The following EML1 variants were observed in gnomAD, a reference collection of about 807,000 sequenced individuals.
The protein encoded by EML1 is echinoderm microtubule-associated protein-like 1.
A neutral mutation model predicts 110.4 loss-of-function variants in EML1; 27 were observed. The observed-to-expected ratio is 0.24, with a 90% CI of 0.18 to 0.34. EML1 has a LOEUF of 0.34. EML1 is among the 10% of genes least tolerant of loss of function. The pLI, the probability that EML1 is intolerant of heterozygous loss-of-function variation, is 1.00. For missense variants in EML1, 741 were observed against 1,030.9 expected (o/e 0.72, Z 3.85); for synonymous variants, 344 against 385.8 (o/e 0.89, Z 1.27).
chr14:99,789,365 C>T (rs145904181), upstream of EML1, among the ~76,000 whole-genome samples: 76 of 152,264 alleles, frequency 5.0e-4, no homozygotes, highest in South Asian at 8.5e-3. Context: ...CTCACCTCTA[C>T]GCCCAGCTAA....
intron 1 of EML1, among the ~76,000 whole-genome samples, chr14:99,763,357 T>G (rs2057334956): frequency 6.6e-6 from 1 of 152,194 alleles, no homozygotes; most frequent in Non-Finnish European, 1.5e-5. Context: ...CTCCAGATAC[T>G]CCTGGAGCTG....
chr14:99,839,672 A>G (rs1462946534), intron 1 of EML1, among the ~76,000 whole-genome samples: 3 of 152,202 alleles, frequency 2.0e-5, no homozygotes, highest in Non-Finnish European at 4.4e-5. Context: ...TTCGATGACA[A>G]ATTTTTATAT....
intron 12 of EML1, among the ~76,000 whole-genome samples, chr14:99,910,793 C>G (rs2059933246): frequency 6.6e-6 from 1 of 152,140 alleles, no homozygotes; most frequent in Admixed American, 6.5e-5. Flanking sequence ...TGTGAGCAAA[C>G]AGTTTGCTAA....
chr14:99,830,917 G>T (rs983709054), intron 1 of EML1, among the ~76,000 whole-genome samples: 1 of 152,056 alleles, frequency 6.6e-6, no homozygotes, highest in Non-Finnish European at 1.5e-5. Context: ...TGTCCAGACC[G>T]GGCCCTTTGT....
At chr14:99,834,017 T>C (rs925646394) in intron 1 of EML1, among the ~76,000 whole-genome samples, 3 of 152,216 alleles carry the variant, frequency 2.0e-5, no homozygotes, top group Admixed American at 2.0e-4. Context: ...CAAGATAATA[T>C]TGAAATGTGT....
chr14:99,888,104 C>T (rs2059514049), intron 4 of EML1, among the ~76,000 whole-genome samples: 1 of 152,140 alleles, frequency 6.6e-6, no homozygotes, highest in South Asian at 2.1e-4. Context: ...CAGCATACCA[C>T]AAAGTGATAC....
chr14:99,898,815 T>C (rs1002269462), intron 8 of EML1, among the ~76,000 whole-genome samples: 15 of 152,154 alleles, frequency 9.9e-5, no homozygotes, highest in Non-Finnish European at 1.2e-4. Context: ...CTTAATTTCA[T>C]CAGATTTTTA....
intron 1 of EML1, among the ~76,000 whole-genome samples, chr14:99,806,650 T>TC (rs1566874438): frequency 6.6e-6 from 1 of 151,720 alleles, no homozygotes; most frequent in African/African-American, 2.4e-5. Flanking sequence ...GTGTGCTCCT[T>TC]CCCCCAAGCA....
intron 1 of EML1, among the ~76,000 whole-genome samples, chr14:99,819,597 G>C (rs2058227383): frequency 6.6e-6 from 1 of 152,220 alleles, no homozygotes; most frequent in Non-Finnish European, 1.5e-5. Context: ...GTGAAGTTTA[G>C]ACAAGATCTG....
chr14:99,760,053 A>T (rs1306684059), intron 1 of EML1, among the ~76,000 whole-genome samples: 1 of 119,148 alleles, frequency 8.4e-6, no homozygotes, highest in Non-Finnish European at 1.6e-5. Context: ...GTTGCACCCC[A>T]GCCTGGGCAA....
chr14:99,888,364 A>G (rs565795918), intron 4 of EML1, among the ~76,000 whole-genome samples: 23 of 152,326 alleles, frequency 1.5e-4, no homozygotes, highest in African/African-American at 5.5e-4. Context: ...CTCTAGGGCA[A>G]GTTCTGAATT....
At chr14:99,776,071 A>G (rs2057479003) in intron 1 of EML1, among the ~76,000 whole-genome samples, 2 of 152,228 alleles carry the variant, frequency 1.3e-5, no homozygotes, top group East Asian at 3.8e-4. Context: ...AAAATGTCCT[A>G]CAAGCAAAAA....
intron 1 of EML1, among the ~76,000 whole-genome samples, chr14:99,825,261 C>G (rs1022033706): frequency 6.6e-6 from 1 of 152,196 alleles, no homozygotes; most frequent in African/African-American, 2.4e-5. Flanking sequence ...GCTGGGATTA[C>G]AAGTATGAGC....
chr14:99,931,680 C>T (rs539210556), intron 17 of EML1, among the ~76,000 whole-genome samples: 1 of 152,246 alleles, frequency 6.6e-6, no homozygotes, highest in Non-Finnish European at 1.5e-5. Flanking sequence ...AGAAAAAGGG[C>T]TCTGTGGGAC....
At chr14:99,831,716 A>G (rs1299465977) in intron 1 of EML1, among the ~76,000 whole-genome samples, 1 of 152,158 alleles carries the variant, frequency 6.6e-6, no homozygotes, top group Non-Finnish European at 1.5e-5. Flanking sequence ...TCCAAACTGA[A>G]TATTTTCTTA....
chr14:99,929,755 G>A lies in EML1; in HGVS notation c.1910-6274G>A, dbSNP rs75397972. On this transcript the variant is annotated intron_variant, in intron 17 of 21. Transcript: ENST00000262233. The stretch of plus-strand genomic sequence containing the variant: ...CGATGCCCAAACACAGATTGTCATT[G>A]ACATGGAATTTCAGAAACCTGCTGC... 1.8e-3 allele frequency among the ~76,000 whole-genome samples: 270 copies of A among 152,334 alleles called. 7 individuals are homozygous for A. The East Asian group carries it at 0.049, about 28-fold the overall frequency.
At chr14:99,912,292 G>T (rs2059959657) in intron 13 of EML1, among the ~76,000 whole-genome samples, 1 of 152,108 alleles carries the variant, frequency 6.6e-6, no homozygotes, top group Admixed American at 6.5e-5. Context: ...GTGCCAATGT[G>T]CTCCCTAGGG....
At chr14:99,888,665 G>T (rs1400612038) in intron 4 of EML1, among the ~76,000 whole-genome samples, 1 of 152,186 alleles carries the variant, frequency 6.6e-6, no homozygotes, top group African/African-American at 2.4e-5. Context: ...AACAATTCAG[G>T]TATCTACAGT....
intron 1 of EML1, among the ~76,000 whole-genome samples, chr14:99,806,685 A>G (rs2057982556): frequency 6.6e-6 from 1 of 152,146 alleles, no homozygotes; most frequent in South Asian, 2.1e-4. Flanking sequence ...ACCACTCTCA[A>G]GAAGGGTAGT....
Sources: gnomAD v4.1 joint callset for allele counts (sites outside exome capture counted in the v4.1 genomes callset) on GRCh38, gnomAD v4.1.1 for gene constraint, MANE v1.5 for transcripts, NCBI Gene and HGNC (gene_info 2026-07-23, HGNC 2026-07-21) for gene names.